STAT1: variants seen among roughly 807,000 people sequenced by gnomAD.
The protein encoded by STAT1 is signal transducer and activator of transcription 1-alpha/beta.
A neutral mutation model predicts 111.7 loss-of-function variants in STAT1; 24 were observed. The observed-to-expected ratio is 0.21, with a 90% confidence interval of 0.16 to 0.30. STAT1 has a LOEUF of 0.30. STAT1 is among the 10% of genes least tolerant of loss of function. The probability of loss-of-function intolerance (pLI) is 1.00; values close to 1 mark genes in which losing one functional copy is unlikely to be tolerated. For missense variants in STAT1, 351 were observed against 911.9 expected (o/e 0.38, Z 7.92); for synonymous variants, 332 against 326.5 (o/e 1.02, Z -0.18).
rs879068958 is a variant in STAT1, at chr2:191,004,368, G to A, written c.372+3195C>T. Among the ~76,000 whole-genome samples the A allele has an allele frequency of 1.3e-5, 2 of 152,174 alleles. No homozygotes were observed. Among genetic ancestry groups the A allele is most frequent in the African/African-American group, 4.8e-5 (2 of 41,438 alleles). On this transcript the variant is annotated intron_variant, in intron 5 of 24. Transcript: ENST00000361099. This position sits in a 1 kb window ranked among gnomAD's most constrained non-coding sequence, Gnocchi z 5.0. ...GTACCTCTAGAGACCTTGTTTGGAT[G>A]GGAACTTGGTTACTCCAGACCCCAG...
intron 5 of STAT1, among the ~76,000 whole-genome samples, chr2:191,005,872 C>T (rs920898877): frequency 2.6e-5 from 4 of 152,198 alleles, no homozygotes; most frequent in Non-Finnish European, 5.9e-5. Flanking sequence ...CCCTCACACC[C>T]CAAGAAGGCT....
intron 5 of STAT1, 28 bp from the exon 6 acceptor site, chr2:191,001,191 C>T (rs760026818): frequency 4.4e-6 from 7 of 1,576,884 alleles, no homozygotes; most frequent in East Asian, 2.2e-5. Context: ...TGATTATAGC[C>T]ATCGTTTTCT....
In STAT1 at chr2:190,975,051, G is replaced by T; in HGVS notation, c.2136-119C>A. Reference sequence around the variant, plus strand: ...ATTATCACGTTATATTTTTATTTTGGGTAAGTGCATACACTTGTAAAATAC... The same window carrying T: ...ATTATCACGTTATATTTTTATTTTGTGTAAGTGCATACACTTGTAAAATAC... On this transcript the variant is annotated intron_variant, in intron 23 of 24. Coordinates refer to ENST00000361099, the MANE Select transcript of STAT1 (RefSeq NM_007315.4). This position sits in a 1 kb window ranked among gnomAD's most constrained non-coding sequence, Gnocchi z 5.9. 1.2e-6 allele frequency: 1 copy of T among 865,194 alleles called. No individual in the cohort carries two copies. The highest frequency in any genetic ancestry group is 1.9e-6 in the Non-Finnish European group (1 of 523,340). The allele number at this position is 865,194 out of a possible 1,614,324, so 53.6% of individuals were successfully genotyped here.
In STAT1 at chr2:190,995,138, G is replaced by A. The variant is rs759118128; in HGVS notation, c.867C>T (p.Tyr289=). 1.5e-5 allele frequency: 25 copies of A among 1,613,642 alleles called. No homozygotes were observed. The highest frequency in any genetic ancestry group is 5.3e-5 in the African/African-American group (4 of 74,788). The stretch of plus-strand genomic sequence containing the variant: ...TGTTTTTTGTGATAGGGTCATGTTC[G>A]TAGGTGTATTTCTGTTCCAATTCCT... ...KLEELEQKYT[Y]EHDPITKNKQ... The change falls in exon 10 of 25, where the codon TAC becomes TAT. Residue 289 remains tyrosine, a synonymous_variant. Coordinates refer to ENST00000361099, the MANE Select transcript of STAT1 (RefSeq NM_007315.4). This position sits in a 1 kb window ranked among gnomAD's most constrained non-coding sequence, Gnocchi z 4.2.
Position 191,007,332 on chromosome 2 carries a change from A to T in STAT1, c.372+231T>A, listed in dbSNP as rs1465337076. On this transcript the variant is annotated intron_variant, in intron 5 of 24. Coordinates refer to ENST00000361099, the MANE Select transcript of STAT1 (RefSeq NM_007315.4). The surrounding 1 kb of genome is among the most constrained non-coding windows in gnomAD (Gnocchi z 4.2). ...ATCTTCTCAGCACTTTATGCTACCC[A>T]GAAGTATCTTGTTTATATGTTCTCT... Among the ~76,000 whole-genome samples the T allele has an allele frequency of 6.6e-6, 1 of 152,212 alleles. No individual in the cohort carries two copies. The highest frequency in any genetic ancestry group is 2.4e-5 in the African/African-American group (1 of 41,456).
At chr2:191,008,846 CT>C in intron 4 of STAT1, 116 bp downstream of exon 4, 1 of 1,076,252 alleles carries the variant, frequency 9.3e-7, no homozygotes, top group Non-Finnish European at 1.3e-6. Context: ...TGGAGTTAGT[CT>C]CTATTACTTC....
chr2:190,994,687 G>A (rs531258372), intron 10 of STAT1, among the ~76,000 whole-genome samples: 2 of 152,050 alleles, frequency 1.3e-5, no homozygotes, highest in Admixed American at 6.5e-5. Flanking sequence ...TTGGGAGGCC[G>A]AGGAGGGCAG....
intron 5 of STAT1, among the ~76,000 whole-genome samples, chr2:191,005,342 C>T (rs1008848690): frequency 1.3e-5 from 2 of 152,196 alleles, no homozygotes; most frequent in African/African-American, 4.8e-5. Flanking sequence ...AGAATATACA[C>T]AGTCATGTAC....
chr2:190,979,543 G>GTT lies in STAT1; in HGVS notation c.1727+227_1727+228dup, dbSNP rs369850201. ...AATGCATGAATGGCACTCAAGAGTT[G>GTT]TTTTTTTTTTTTAATTTAGCTTTGC... On this transcript the variant is annotated intron_variant, in intron 20 of 24. Coordinates refer to ENST00000361099, the MANE Select transcript of STAT1 (RefSeq NM_007315.4). The surrounding 1 kb of genome is among the most constrained non-coding windows in gnomAD (Gnocchi z 5.8). Among the ~76,000 whole-genome samples, 1 of 144,696 alleles carries GTT rather than the reference G, an allele frequency of 6.9e-6. No homozygotes were observed. The highest frequency in any genetic ancestry group is 2.2e-4 in the South Asian group (1 of 4,600). 94.9% of individuals were successfully genotyped at this position (144,696 alleles called of 152,430 possible).
rs530646800 is a variant in STAT1, at chr2:191,000,186, T to C, written c.463-482A>G. On this transcript the variant is annotated intron_variant, in intron 6 of 24. Transcript: ENST00000361099. The surrounding 1 kb of genome is among the most constrained non-coding windows in gnomAD (Gnocchi z 4.8). ...GCCCTCTTGGCGGCTCAAATGCATC[T>C]CCATCTGGACAATAAATTGTATGTT... 3.3e-4 allele frequency among the ~76,000 whole-genome samples: 51 copies of C among 152,356 alleles called. No homozygotes were observed. Among genetic ancestry groups the C allele is most frequent in the African/African-American group, 1.1e-3 (46 of 41,578 alleles).
In STAT1 at chr2:190,975,210, G is replaced by A. The variant is rs1691813709; in HGVS notation, c.2136-278C>T. ...CGCTTCTGCCTGGGTAAGCCTAGGT[G>A]TGAGCATGTGCGGTGCACTACCCTG... On this transcript the variant is annotated intron_variant, in intron 23 of 24. Transcript: ENST00000361099. The surrounding 1 kb of genome is among the most constrained non-coding windows in gnomAD (Gnocchi z 5.9). 1 of 471,872 alleles carries A rather than the reference G, an allele frequency of 2.1e-6. No individual in the cohort carries two copies. The highest frequency in any genetic ancestry group is 4.2e-6 in the Non-Finnish European group (1 of 239,616). 29.2% of individuals were successfully genotyped at this position (471,872 alleles called of 1,614,324 possible). A position where few individuals can be genotyped will look rare whatever the true frequency, so the allele number is the denominator to read the frequency against.
At chr2:191,005,559 G>C (rs1291097264) in intron 5 of STAT1, among the ~76,000 whole-genome samples, 1 of 152,176 alleles carries the variant, frequency 6.6e-6, no homozygotes, top group South Asian at 2.1e-4. Flanking sequence ...TTGTAGCCTA[G>C]GAGCAATAGG....
At position 190,981,417 on chromosome 2, in the gene STAT1, G is replaced by A. The variant is rs192659545; in HGVS notation, c.1583-748C>T. 8.5e-5 allele frequency among the ~76,000 whole-genome samples: 13 copies of A among 152,348 alleles called. No individual in the cohort carries two copies. In the East Asian group the frequency reaches 2.1e-3, roughly 25 times the overall value. On this transcript the variant is annotated intron_variant, in intron 18 of 24. Coordinates refer to ENST00000361099, the MANE Select transcript of STAT1 (RefSeq NM_007315.4). This position sits in a 1 kb window ranked among gnomAD's most constrained non-coding sequence, Gnocchi z 4.1. The stretch of plus-strand genomic sequence containing the variant: ...GAGAGAAACGAGAGGAAGAAGCCCG[G>A]GGTTATTAGCTACACAAATTAAAGC...
At chr2:190,972,735 T>C (rs1454275020) in intron 24 of STAT1, among the ~76,000 whole-genome samples, 5 of 146,850 alleles carry the variant, frequency 3.4e-5, no homozygotes, top group Non-Finnish European at 6.0e-5. Flanking sequence ...TTTCTTTTCT[T>C]TTTTTTTTTT....
Position 190,969,316 on chromosome 2 carries a change from TAC to T in STAT1, c.*1385_*1386del, listed in dbSNP as rs1235818401. ...TGTGTGCATATTATATTTAATGCAATACAGATACTTTAGCTTTAATTTTAAAA... is the reference window on the plus strand; with the variant it reads ...TGTGTGCATATTATATTTAATGCAATAGATACTTTAGCTTTAATTTTAAAA... On this transcript the variant is annotated 3_prime_UTR_variant, in exon 25 of 25. Transcript: ENST00000361099. 1.3e-5 allele frequency: 2 copies of T among 152,174 alleles called. No homozygotes were observed. Among genetic ancestry groups the T allele is most frequent in the African/African-American group, 4.8e-5 (2 of 41,456 alleles). 9.4% of individuals were successfully genotyped at this position (152,174 alleles called of 1,614,324 possible).
In STAT1 at chr2:190,970,849, G is replaced by T; in HGVS notation, c.2239-132C>A. The T allele has an allele frequency of 1.2e-6, 1 of 833,388 alleles. No homozygotes were observed. The highest frequency in any genetic ancestry group is 2.0e-6 in the Non-Finnish European group (1 of 499,590). 51.6% of individuals were successfully genotyped at this position (833,388 alleles called of 1,614,324 possible). ...ACTTGCAATGGCAAATAAATACCGTGGAATAAGAGGGCCTTCAGCATGTAC... is the reference window on the plus strand; with the variant it reads ...ACTTGCAATGGCAAATAAATACCGTTGAATAAGAGGGCCTTCAGCATGTAC... On this transcript the variant is annotated intron_variant, in intron 24 of 24. Transcript: ENST00000361099. The surrounding 1 kb of genome is among the most constrained non-coding windows in gnomAD (Gnocchi z 5.4).
In STAT1 at chr2:190,989,584, T is replaced by C; in HGVS notation, c.1097+31A>G. On this transcript the variant is annotated intron_variant, in intron 12 of 24. Coordinates refer to ENST00000361099, the MANE Select transcript of STAT1 (RefSeq NM_007315.4). The surrounding 1 kb of genome is among the most constrained non-coding windows in gnomAD (Gnocchi z 5.0). ...ACAAAATCAACATTTCAATAGTACA[T>C]GTATGTTATATAATGTTAAAGATAT... is the stretch of plus-strand genomic sequence containing the variant. 7.9e-7 allele frequency: 1 copy of C among 1,272,666 alleles called. No individual in the cohort carries two copies. The highest frequency in any genetic ancestry group is 2.4e-5 in the East Asian group (1 of 40,884). The allele number at this position is 1,272,666 out of a possible 1,614,324, so 78.8% of individuals were successfully genotyped here.
chr2:190,992,926 A>G (rs930581142), intron 10 of STAT1: 1 of 268,436 alleles, frequency 3.7e-6, no homozygotes, highest in Non-Finnish European at 7.0e-6. Flanking sequence ...AGTAGCTGGG[A>G]TTACAGGCGC....
Position 190,970,607 on chromosome 2 carries a change from C to A in STAT1, c.*96G>T. On this transcript the variant is annotated 3_prime_UTR_variant, in exon 25 of 25. Transcript: ENST00000361099. The surrounding 1 kb of genome is among the most constrained non-coding windows in gnomAD (Gnocchi z 5.4). ...GAATTTGCTGGCCTTTCTTTCATTT[C>A]CCTAGAAACACAGGATGTGAAGGAA... 2.1e-6 allele frequency: 3 copies of A among 1,422,748 alleles called. No individual in the cohort carries two copies. Among genetic ancestry groups the A allele is most frequent in the Non-Finnish European group, 3.0e-6 (3 of 1,008,746 alleles). 88.1% of individuals were successfully genotyped at this position (1,422,748 alleles called of 1,614,324 possible).
Sources: allele counts gnomAD v4.1 joint callset (sites outside exome capture counted in the v4.1 genomes callset), GRCh38; gene constraint gnomAD v4.1.1; non-coding constraint Gnocchi (gnomAD v3.1); transcripts MANE v1.5; gene names NCBI Gene and HGNC (gene_info 2026-07-23, HGNC 2026-07-21).